TCF3: variants seen among roughly 807,000 people sequenced by gnomAD.
TCF3 encodes the protein transcription factor 3, also known as transcription factor E2-alpha.
A neutral mutation model predicts 72.3 loss-of-function variants in TCF3; 54 were observed. The ratio of observed to expected loss-of-function variants is 0.75; its 90% CI spans 0.60 to 0.94. The LOEUF (loss-of-function observed/expected upper bound fraction) is 0.94, where lower values mean the gene tolerates loss of function less well. Ranked by LOEUF, TCF3 falls within the 40% of genes least tolerant of loss-of-function variation. The pLI, the probability that TCF3 is intolerant of heterozygous loss-of-function variation, is 0.00. For synonymous variants in TCF3, 525 were observed against 412.6 expected, an observed-to-expected ratio of 1.27 and a Z score of -3.30; for missense variants, 1,078 against 934.4, an observed-to-expected ratio of 1.15 and a Z score of -2.00.
intron 3 of TCF3, among the ~76,000 whole-genome samples, chr19:1,632,958 G>C (rs1267607544): frequency 6.6e-6 from 1 of 152,236 alleles, no homozygotes; most frequent in Non-Finnish European, 1.5e-5. Flanking sequence ...CACCCATCGG[G>C]CAGGAGGCTG....
In TCF3 at chr19:1,619,483, T is replaced by TG; in HGVS notation, c.1168-10dup. ...TCTTCTATCTTACTCTGCTGCAGGG[T>TG]GGGGGGATGGGTGGTGAGGGGCCCA... On this transcript the variant is annotated splice_polypyrimidine_tract_variant and intron_variant, in intron 14 of 18. Transcript: ENST00000262965. 7.3e-7 allele frequency: 1 copy of TG among 1,375,208 alleles called. No individual in the cohort carries two copies. The highest frequency in any genetic ancestry group is 9.8e-7 in the Non-Finnish European group (1 of 1,022,772). 85.2% of individuals were successfully genotyped at this position (1,375,208 alleles called of 1,614,324 possible). A position where few individuals can be genotyped will look rare whatever the true frequency, so the allele number is the denominator to read the frequency against.
At chr19:1,650,400 T>C (rs2066832484) in intron 1 of TCF3, 113 bp from the exon 2 acceptor site, 6 of 773,190 alleles carry the variant, frequency 7.8e-6, no homozygotes, top group East Asian at 2.8e-5. Flanking sequence ...TCAACCGCCC[T>C]GGGGTCTGAG....
At chr19:1,619,659 C>T (rs1463920505) in intron 14 of TCF3, 121 bp downstream of exon 14, 6 of 1,271,214 alleles carry the variant, frequency 4.7e-6, no homozygotes, top group African/African-American at 4.5e-5. Context: ...GGCCACGAGG[C>T]CTCAATAACA....
chr19:1,611,918 G>T (rs2302086), intron 18 of TCF3, 69 bp from the exon 19 acceptor site: 23,812 of 407,602 alleles, frequency 0.058, 2,846 homozygotes, highest in East Asian at 0.5. Flanking sequence ...GTGGGAGTGG[G>T]GGGTAGGATG....
chr19:1,638,944 A>G (rs1230688925), intron 3 of TCF3, among the ~76,000 whole-genome samples: 1 of 152,264 alleles, frequency 6.6e-6, no homozygotes, highest in African/African-American at 2.4e-5. Context: ...GACAGTTTTG[A>G]AACAAGCGAC....
At chr19:1,612,082 G>C in intron 18 of TCF3, 3 of 1,027,888 alleles carry the variant, frequency 2.9e-6, no homozygotes, top group Non-Finnish European at 4.1e-6. Flanking sequence ...CACTGGGTCT[G>C]AGTCCAGCCA....
intron 6 of TCF3, among the ~76,000 whole-genome samples, chr19:1,626,666 C>T (rs937739691): frequency 1.3e-5 from 2 of 152,124 alleles, no homozygotes; most frequent in African/African-American, 4.8e-5. Context: ...CTTGCGTATT[C>T]CTGTCTGTAA....
At chr19:1,623,889 G>A (rs2062562152) in intron 8 of TCF3, 62 bp downstream of exon 8, 1 of 1,556,080 alleles carries the variant, frequency 6.4e-7, no homozygotes, top group East Asian at 2.3e-5. Context: ...GCTTCGCCAG[G>A]ACACAGGGCC....
In TCF3 at chr19:1,622,433, G is replaced by A. The variant is rs755392405; in HGVS notation, c.550-18C>T. On this transcript the variant is annotated intron_variant, in intron 8 of 18. Coordinates refer to ENST00000262965, the MANE Select transcript of TCF3 (RefSeq NM_003200.5). Reference sequence around the variant, plus strand: ...GGGTACACCTGCGGGCGGGTGGGCGGTGGGGGGTGCAGTCAGGACGGAGGG... The same window carrying A: ...GGGTACACCTGCGGGCGGGTGGGCGATGGGGGGTGCAGTCAGGACGGAGGG... 9.4e-6 allele frequency: 12 copies of A among 1,274,074 alleles called. No homozygotes were observed. The East Asian group carries it at 2.3e-4, about 24-fold the overall frequency. The allele number at this position is 1,274,074 out of a possible 1,614,324, so 78.9% of individuals were successfully genotyped here.
intron 3 of TCF3, among the ~76,000 whole-genome samples, chr19:1,641,642 G>A (rs12973957): frequency 0.21 from 32,545 of 151,978 alleles, 3,589 homozygotes; most frequent in East Asian, 0.28. Context: ...TAGCAGAGAC[G>A]GGGTTTCGCC....
rs1407343265 is a variant in TCF3, at chr19:1,619,203, G to T, written c.1358C>A (p.Ala453Glu). 7 of 1,599,340 alleles carry T rather than the reference G, an allele frequency of 4.4e-6. No homozygotes were observed. Among genetic ancestry groups the T allele is most frequent in the Middle Eastern group, 3.5e-4 (2 of 5,716 alleles). Residue 453 changes from alanine to glutamate, a missense_variant, in exon 16 of 19, where the codon GCA becomes GAA. By Grantham distance (107) the Ala-to-Glu change is moderately radical. Coordinates refer to ENST00000262965, the MANE Select transcript of TCF3 (RefSeq NM_003200.5). ...VGGSHPEDGL[A>E]GSTSLMHNHA... is the part of the protein sequence containing the mutation. ...GTTGTGCATGAGGCTGGTGCTGCCT[G>T]CGAGGCCGTCCTCGGGGTGGCTGCC...
chr19:1,635,133 C>G (rs2064222695), intron 3 of TCF3, among the ~76,000 whole-genome samples: 1 of 152,222 alleles, frequency 6.6e-6, no homozygotes, highest in Non-Finnish European at 1.5e-5. Context: ...GCCAAACCCT[C>G]AGGCACACCA....
chr19:1,636,131 C>G (rs994503600), intron 3 of TCF3, among the ~76,000 whole-genome samples: 1 of 152,128 alleles, frequency 6.6e-6, no homozygotes, highest in Non-Finnish European at 1.5e-5. Context: ...CCGGGGGTGG[C>G]CTTTCCTTGG....
chr19:1,623,207 T>C (rs549543352), intron 8 of TCF3, among the ~76,000 whole-genome samples: 1 of 152,020 alleles, frequency 6.6e-6, no homozygotes, highest in South Asian at 2.1e-4. Context: ...CAGAGGGTGG[T>C]TGGTGGCTAC....
intron 1 of TCF3, among the ~76,000 whole-genome samples, chr19:1,651,595 C>T (rs1469779844): frequency 6.6e-6 from 1 of 152,180 alleles, no homozygotes; most frequent in Non-Finnish European, 1.5e-5. Flanking sequence ...CTTTGAGAGA[C>T]TTGGAGAATG....
rs780652877 is a variant in TCF3, at chr19:1,621,901, C to T, written c.892G>A (p.Gly298Arg). 7.5e-6 allele frequency: 12 copies of T among 1,599,468 alleles called. No homozygotes were observed. In the Admixed American group the frequency reaches 8.7e-5, roughly 12 times the overall value. ...PSASSFSSAP[G>R]ATYGGVSSHT... is the part of the protein sequence containing the mutation. ...CTGGAGACGCCGCCGTACGTGGCTCCGGGGGCTGAGGAGAAGGAGGATGCA... is the reference window on the plus strand; with the variant it reads ...CTGGAGACGCCGCCGTACGTGGCTCTGGGGGCTGAGGAGAAGGAGGATGCA... Residue 298 changes from glycine to arginine, a missense_variant, in exon 11 of 19, where the codon GGA becomes AGA. Gly to Arg is a moderately radical substitution (Grantham distance 125). Transcript: ENST00000262965.
intron 5 of TCF3, among the ~76,000 whole-genome samples, chr19:1,631,771 C>G (rs966697552): frequency 6.6e-6 from 1 of 152,212 alleles, no homozygotes; most frequent in Non-Finnish European, 1.5e-5. Context: ...TGCAGAAATC[C>G]CAGGGAGGAA....
chr19:1,650,160 CG>C lies in TCF3; in HGVS notation c.72+16del. On this transcript the variant is annotated intron_variant, in intron 2 of 18. Coordinates refer to ENST00000262965, the MANE Select transcript of TCF3 (RefSeq NM_003200.5). ...AGGCAAAGGGGTGTCGGGGGCTGGG[CG>C]GGGGTCCTGGCTCACCATGCTGAAG... 3 of 1,547,132 alleles carry C rather than the reference CG, an allele frequency of 1.9e-6. No homozygotes were observed. Among genetic ancestry groups the C allele is most frequent in the African/African-American group, 1.4e-5 (1 of 73,342 alleles).
Position 1,615,289 on chromosome 19 carries a change from C to T in TCF3, c.1818G>A (p.Val606=). 6.3e-7 allele frequency: 1 copy of T among 1,591,006 alleles called. No homozygotes were observed. The highest frequency in any genetic ancestry group is 2.3e-5 in the East Asian group (1 of 44,330). ...VSVILNLEQQ[V]RERNLNPKAA... is the part of the protein sequence containing the mutation. ...GTGGCCCGCGCCCCCACTGACCTCGCACTTGCTGCTCCAAGTTCAGGATGA... is the reference window on the plus strand; with the variant it reads ...GTGGCCCGCGCCCCCACTGACCTCGTACTTGCTGCTCCAAGTTCAGGATGA... Residue 606 remains valine, a synonymous_variant, in exon 18 of 19, where the codon GTG becomes GTA. Transcript: ENST00000262965. This position sits in a 1 kb window ranked among gnomAD's most constrained non-coding sequence, Gnocchi z 7.3.
Sources: gnomAD v4.1 joint callset for allele counts (sites outside exome capture counted in the v4.1 genomes callset) on GRCh38, gnomAD v4.1.1 for gene constraint, Gnocchi (gnomAD v3.1) non-coding constraint, MANE v1.5 for transcripts, NCBI Gene and HGNC (gene_info 2026-07-23, HGNC 2026-07-21) for gene names.